AUTS2: variants seen among roughly 807,000 people sequenced by gnomAD.
AUTS2 encodes the protein autism susceptibility gene 2 protein.
AUTS2 carries 17 observed loss-of-function variants against 112.4 expected under a neutral mutation model. The ratio of observed to expected loss-of-function variants is 0.15; its 90% CI spans 0.10 to 0.23. The LOEUF (loss-of-function observed/expected upper bound fraction) is 0.23. Ranked by LOEUF, AUTS2 falls within the 10% of genes least tolerant of loss-of-function variation. The pLI, the probability that AUTS2 is intolerant of heterozygous loss-of-function variation, is 1.00. For synonymous variants in AUTS2, 751 were observed against 702.7 expected (o/e 1.07, Z -1.09); for missense variants, 1,510 against 1,701.6 (o/e 0.89, Z 1.98).
intron 1 of AUTS2, among the ~76,000 whole-genome samples, chr7:69,649,820 A>G (rs917424843): frequency 5.9e-5 from 9 of 152,224 alleles, no homozygotes; most frequent in African/African-American, 2.2e-4. Context: ...GATTCTGGCA[A>G]ATTGCTTCTG....
chr7:69,942,477 C>T (rs1201967863), intron 2 of AUTS2, among the ~76,000 whole-genome samples: 2 of 152,094 alleles, frequency 1.3e-5, no homozygotes, highest in Non-Finnish European at 2.9e-5. Flanking sequence ...TGAGTGATGT[C>T]ATTATGAAGT....
At chr7:69,832,390 G>A (rs1238384579) in intron 1 of AUTS2, among the ~76,000 whole-genome samples, 1 of 152,162 alleles carries the variant, frequency 6.6e-6, no homozygotes, top group Non-Finnish European at 1.5e-5. Context: ...GAATGACGTT[G>A]CAGTTGCTCT....
chr7:69,738,726 C>T (rs987424775), intron 1 of AUTS2, among the ~76,000 whole-genome samples: 33 of 152,142 alleles, frequency 2.2e-4, no homozygotes, highest in African/African-American at 6.5e-4. Flanking sequence ...TTGTGGCAGG[C>T]GTGATTGATG....
At chr7:69,716,389 T>G (rs1798611955) in intron 1 of AUTS2, among the ~76,000 whole-genome samples, 1 of 152,078 alleles carries the variant, frequency 6.6e-6, no homozygotes, top group African/African-American at 2.4e-5. Flanking sequence ...ATTAAAACTA[T>G]ATGACCTGAT....
chr7:70,496,224 A>T (rs1298871607), intron 5 of AUTS2, among the ~76,000 whole-genome samples: 6 of 114,788 alleles, frequency 5.2e-5, no homozygotes, highest in South Asian at 3.0e-4. Context: ...GATCACACAC[A>T]CCACGTACAC....
chr7:70,108,822 G>A (rs1224040791), intron 2 of AUTS2, among the ~76,000 whole-genome samples: 1 of 145,430 alleles, frequency 6.9e-6, no homozygotes, highest in African/African-American at 2.7e-5. Context: ...AAATAGCCGA[G>A]GATGGTACTC....
chr7:70,673,665 C>T (rs2129544330), intron 5 of AUTS2, among the ~76,000 whole-genome samples: 1 of 152,278 alleles, frequency 6.6e-6, no homozygotes, highest in Non-Finnish European at 1.5e-5. Context: ...TGAGAGCCAC[C>T]ATGCCTGGCC....
intron 4 of AUTS2, among the ~76,000 whole-genome samples, chr7:70,138,264 A>G (rs1392988295): frequency 6.6e-6 from 1 of 152,238 alleles, no homozygotes; most frequent in African/African-American, 2.4e-5. Flanking sequence ...GCATATATGA[A>G]CACAGTAACT....
intron 5 of AUTS2, among the ~76,000 whole-genome samples, chr7:70,642,987 A>G (rs1193930939): frequency 6.6e-6 from 1 of 152,226 alleles, no homozygotes; most frequent in Non-Finnish European, 1.5e-5. Context: ...AGGGCATGTG[A>G]AATGTTACGA....
chr7:70,509,147 G>T (rs1172686751), intron 5 of AUTS2, among the ~76,000 whole-genome samples: 1 of 152,192 alleles, frequency 6.6e-6, no homozygotes, highest in African/African-American at 2.4e-5. Flanking sequence ...GCAGCAATAA[G>T]TGCCATTACT....
At chr7:70,210,233 C>T (rs753043761) in intron 4 of AUTS2, among the ~76,000 whole-genome samples, 38 of 152,144 alleles carry the variant, frequency 2.5e-4, no homozygotes, top group Non-Finnish European at 5.1e-4. Context: ...TTTAGCAATG[C>T]CTTCCTTCTA....
intron 5 of AUTS2, among the ~76,000 whole-genome samples, chr7:70,622,502 C>T (rs1304173656): frequency 6.6e-6 from 1 of 152,168 alleles, no homozygotes; most frequent in Non-Finnish European, 1.5e-5. Flanking sequence ...CGCTAACCCC[C>T]AGACTTTCTT....
intron 4 of AUTS2, among the ~76,000 whole-genome samples, chr7:70,268,320 T>C (rs938496543): frequency 8.5e-5 from 13 of 152,240 alleles, no homozygotes; most frequent in African/African-American, 3.1e-4. Flanking sequence ...GTGAGCAGTT[T>C]ACATTTAAAT....
intron 5 of AUTS2, among the ~76,000 whole-genome samples, chr7:70,527,758 G>C (rs1031304409): frequency 1.3e-4 from 20 of 152,276 alleles, no homozygotes; most frequent in African/African-American, 4.8e-4. Context: ...TTCACTGGGG[G>C]GGAAGTGTCA....
chr7:69,898,679 T>C (rs1794851213), intron 1 of AUTS2, among the ~76,000 whole-genome samples: 1 of 152,178 alleles, frequency 6.6e-6, no homozygotes, highest in African/African-American at 2.4e-5. Flanking sequence ...AGGAATAAAT[T>C]AAAAGTTGCT....
chr7:70,246,606 G>A (rs1237327995), intron 4 of AUTS2, among the ~76,000 whole-genome samples: 1 of 151,812 alleles, frequency 6.6e-6, no homozygotes, highest in African/African-American at 2.4e-5. Context: ...TTTAATTATT[G>A]CTTGATATTT....
At chr7:70,189,949 G>A (rs527280257) in intron 4 of AUTS2, among the ~76,000 whole-genome samples, 1 of 152,230 alleles carries the variant, frequency 6.6e-6, no homozygotes, top group African/African-American at 2.4e-5. Context: ...GCCTTGATCC[G>A]GTACTGATTG....
At chr7:70,546,040 A>C (rs150636804) in intron 5 of AUTS2, among the ~76,000 whole-genome samples, 1 of 152,346 alleles carries the variant, frequency 6.6e-6, no homozygotes, top group East Asian at 1.9e-4. Flanking sequence ...TGTCTTGGGC[A>C]GTGGTTTTCC....
At chr7:69,880,136 G>C (rs747755794) in intron 1 of AUTS2, among the ~76,000 whole-genome samples, 5 of 152,178 alleles carry the variant, frequency 3.3e-5, no homozygotes, top group Non-Finnish European at 7.3e-5. Context: ...AGGGGAAGCA[G>C]GCACATCTTA....
Sources: gnomAD v4.1 joint callset for allele counts (sites outside exome capture counted in the v4.1 genomes callset) on GRCh38, gnomAD v4.1.1 for gene constraint, MANE v1.5 for transcripts, NCBI Gene and HGNC (gene_info 2026-07-23, HGNC 2026-07-21) for gene names.